Variants in SLC35D4 observed in about 807,000 individuals in gnomAD.
SLC35D4 encodes solute carrier family 35 member D4.
the SLC35D4 span, among the ~76,000 whole-genome samples, chr18:23,428,200 A>T: frequency 1.5e-5 from 2 of 136,164 alleles, no homozygotes; most frequent in African/African-American, 2.7e-5. Context: ...TATTAAATTA[A>T]TAAGAAAAAC....
At chr18:23,387,285 T>C in the SLC35D4 span, among the ~76,000 whole-genome samples, 1 of 152,182 alleles carries the variant, frequency 6.6e-6, no homozygotes. Context: ...ATAGGTTTTG[T>C]CATCACTCTG....
At chr18:23,341,367 G>A in the SLC35D4 span, among the ~76,000 whole-genome samples, 2 of 152,320 alleles carry the variant, frequency 1.3e-5, no homozygotes, top group East Asian at 3.9e-4. Context: ...ACCAGAGACA[G>A]ACATGGATGC....
chr18:23,303,458 T>C, the SLC35D4 span, among the ~76,000 whole-genome samples: 3 of 152,250 alleles, frequency 2.0e-5, no homozygotes, highest in African/African-American at 7.2e-5. Flanking sequence ...GCTTCCTTAC[T>C]ATTCCGACTC....
chr18:23,363,451 T>C, the SLC35D4 span, among the ~76,000 whole-genome samples: 1 of 129,350 alleles, frequency 7.7e-6, no homozygotes, highest in Admixed American at 9.1e-5. Context: ...CTCAGCTCAC[T>C]GCAAGCTCCG....
the SLC35D4 span, among the ~76,000 whole-genome samples, chr18:23,301,166 G>A: frequency 5.9e-5 from 9 of 152,040 alleles, no homozygotes; most frequent in East Asian, 1.9e-4. Context: ...CTTCCTCACC[G>A]CAATGTGTCT....
the SLC35D4 span, among the ~76,000 whole-genome samples, chr18:23,308,848 TTCTC>T: frequency 1.4e-3 from 196 of 140,206 alleles, no homozygotes; most frequent in African/African-American, 3.0e-3. Context: ...AGCACGTGTT[TTCTC>T]TCTCTCTCTC....
chr18:23,308,388 A>G, the SLC35D4 span, among the ~76,000 whole-genome samples: 1 of 151,976 alleles, frequency 6.6e-6, no homozygotes, highest in Admixed American at 6.6e-5. Context: ...ATACATTCAA[A>G]CCAATGCCCA....
At chr18:23,381,128 G>A in the SLC35D4 span, among the ~76,000 whole-genome samples, 12 of 152,074 alleles carry the variant, frequency 7.9e-5, no homozygotes, top group African/African-American at 1.9e-4. Flanking sequence ...AGATTTTAAC[G>A]CTAAATTGCT....
At chr18:23,283,361 C>T in the SLC35D4 span, among the ~76,000 whole-genome samples, 1 of 150,252 alleles carries the variant, frequency 6.7e-6, no homozygotes, top group Non-Finnish European at 1.5e-5. Flanking sequence ...CATGTCCCAG[C>T]TACTCAGGAG....
the SLC35D4 span, among the ~76,000 whole-genome samples, chr18:23,325,197 C>T: frequency 2.0e-5 from 3 of 152,114 alleles, no homozygotes; most frequent in African/African-American, 7.2e-5. Flanking sequence ...AAGGAACCAT[C>T]TAGAAAGTAT....
the SLC35D4 span, among the ~76,000 whole-genome samples, chr18:23,306,952 C>G: frequency 2.0e-5 from 3 of 152,236 alleles, no homozygotes; most frequent in Non-Finnish European, 4.4e-5. Flanking sequence ...GGAAACAAAA[C>G]TTTGTCACCA....
chr18:23,431,110 C>A, the SLC35D4 span, among the ~76,000 whole-genome samples: 10 of 129,012 alleles, frequency 7.8e-5, no homozygotes, highest in African/African-American at 2.4e-4. Flanking sequence ...GCAGAAATCA[C>A]GCCACTGCAC....
chr18:23,408,888 A>G, the SLC35D4 span, among the ~76,000 whole-genome samples: 2 of 149,070 alleles, frequency 1.3e-5, no homozygotes, highest in African/African-American at 5.0e-5. Context: ...TAATCCCAAC[A>G]CTTTGGAAGG....
the SLC35D4 span, among the ~76,000 whole-genome samples, chr18:23,360,685 G>A: frequency 4.6e-4 from 70 of 152,248 alleles, no homozygotes; most frequent in East Asian, 0.011. Flanking sequence ...TATAAGTTAC[G>A]CAGGTGTGTA....
the SLC35D4 span, among the ~76,000 whole-genome samples, chr18:23,429,015 T>C: frequency 6.6e-6 from 1 of 152,214 alleles, no homozygotes; most frequent in Admixed American, 6.5e-5. Context: ...GCTAAGGACA[T>C]AATTGTGCTC....
chr18:23,290,956 G>T, the SLC35D4 span, among the ~76,000 whole-genome samples: 21,543 of 152,114 alleles, frequency 0.14, 1,936 homozygotes, highest in African/African-American at 0.25. Flanking sequence ...TTCTATTCCC[G>T]TGTTTGTTCC....
the SLC35D4 span, among the ~76,000 whole-genome samples, chr18:23,427,399 C>G: frequency 6.6e-6 from 1 of 152,074 alleles, no homozygotes; most frequent in Admixed American, 6.6e-5. Context: ...ATTTATGCAG[C>G]CAACAGACAC....
the SLC35D4 span, among the ~76,000 whole-genome samples, chr18:23,276,971 T>G: frequency 1.3e-5 from 2 of 152,236 alleles, no homozygotes; most frequent in Non-Finnish European, 2.9e-5. Context: ...TGTCATCTAG[T>G]GCCATGATAA....
chr18:23,328,044 G>A, the SLC35D4 span, among the ~76,000 whole-genome samples: 1 of 152,116 alleles, frequency 6.6e-6, no homozygotes, highest in Non-Finnish European at 1.5e-5. Flanking sequence ...GGTATTGATG[G>A]GACGTATCTC....
Sources: gnomAD v4.1 joint callset for allele counts (sites outside exome capture counted in the v4.1 genomes callset) on GRCh38, gnomAD v4.1.1 for gene constraint, MANE v1.5 for transcripts, NCBI Gene and HGNC (gene_info 2026-07-23, HGNC 2026-07-21) for gene names.